Variants in ETS1 observed in about 807,000 individuals in gnomAD.
The protein encoded by ETS1 is ETS proto-oncogene 1, transcription factor, also known as protein C-ets-1.
ETS1 carries 15 observed loss-of-function variants against 58.6 expected under a neutral mutation model. That is an observed-to-expected ratio of 0.26 (90% CI 0.17 to 0.39). ETS1 has a LOEUF of 0.39. Ranked by LOEUF, ETS1 falls within the 10% of genes least tolerant of loss-of-function variation. The pLI, the probability that ETS1 is intolerant of heterozygous loss-of-function variation, is 1.00. For missense variants in ETS1, 417 were observed against 610.5 expected (o/e 0.68, Z 3.34); for synonymous variants, 214 against 218.2 (o/e 0.98, Z 0.17).
rs563178704 is a variant in ETS1, at chr11:128,564,198, C to T, written c.70-7763G>A. ...CAAACAGAACCACTCCCCAGCTCTC[C>T]GGAGTTTGCTGATCAAGCCTGAGGG... On this transcript the variant is annotated intron_variant, in intron 2 of 9. Transcript: ENST00000392668. Among the ~76,000 whole-genome samples the T allele has an allele frequency of 8.5e-5, 13 of 152,260 alleles. No individual in the cohort carries two copies. In the South Asian group the frequency reaches 2.1e-3, roughly 24 times the overall value.
intron 3 of ETS1, among the ~76,000 whole-genome samples, chr11:128,520,594 T>G (rs1429439084): frequency 6.6e-6 from 1 of 152,196 alleles, no homozygotes; most frequent in Non-Finnish European, 1.5e-5. Context: ...TAGGCCTAAG[T>G]GCCTTAAATG....
intron 3 of ETS1, among the ~76,000 whole-genome samples, chr11:128,495,216 C>T (rs1862907622): frequency 6.6e-6 from 1 of 152,082 alleles, no homozygotes; most frequent in Admixed American, 6.5e-5. Context: ...AGAAGCCAGT[C>T]TTCTAACTCT....
chr11:128,474,185 C>A (rs1862260005), intron 8 of ETS1, among the ~76,000 whole-genome samples: 1 of 152,178 alleles, frequency 6.6e-6, no homozygotes, highest in Admixed American at 6.5e-5. Context: ...AATCCAGGCA[C>A]CCTCAAGACC....
At chr11:128,543,214 T>C (rs1367278961) in intron 3 of ETS1, among the ~76,000 whole-genome samples, 1 of 151,578 alleles carries the variant, frequency 6.6e-6, no homozygotes, top group Non-Finnish European at 1.5e-5. Context: ...AAAAAAATTA[T>C]TTAAAGAGGT....
rs1277975914 is a variant in ETS1 at position 128,513,781 on chromosome 11, G to A, written c.215-23205C>T. 2.6e-5 allele frequency among the ~76,000 whole-genome samples: 4 copies of A among 152,330 alleles called. No homozygotes were observed. In the East Asian group the frequency reaches 5.8e-4, roughly 22 times the overall value. On this transcript the variant is annotated intron_variant, in intron 3 of 9. Coordinates refer to ENST00000392668, the MANE Select transcript of ETS1 (RefSeq NM_001143820.2). ...TCAAAATCAGACTTGGGCAGGGGCA[G>A]TGGCTCATGCCCGTAATCCCAACAT...
chr11:128,473,929 G>A (rs1862254166), intron 8 of ETS1, among the ~76,000 whole-genome samples: 1 of 152,232 alleles, frequency 6.6e-6, no homozygotes, highest in Non-Finnish European at 1.5e-5. Context: ...TGGTGTGGAT[G>A]TCTCAGCAGC....
chr11:128,530,607 C>A (rs1429991315), intron 3 of ETS1, among the ~76,000 whole-genome samples: 1 of 152,020 alleles, frequency 6.6e-6, no homozygotes, highest in Non-Finnish European at 1.5e-5. Context: ...TGAAAGACTT[C>A]ATCACAAAAA....
chr11:128,507,551 G>A (rs1436225618), intron 3 of ETS1, among the ~76,000 whole-genome samples: 2 of 152,200 alleles, frequency 1.3e-5, no homozygotes, highest in Non-Finnish European at 2.9e-5. Flanking sequence ...CTAGGTGCCA[G>A]ATTCTGGCTA....
intron 1 of ETS1, among the ~76,000 whole-genome samples, chr11:128,584,682 G>A (rs1230819019): frequency 1.3e-5 from 2 of 152,076 alleles, no homozygotes; most frequent in African/African-American, 4.8e-5. Context: ...GTACAGCAGG[G>A]ATAAAGGAGA....
chr11:128,548,110 G>GAGAA (rs1864159758), intron 3 of ETS1, among the ~76,000 whole-genome samples: 2 of 122,994 alleles, frequency 1.6e-5, no homozygotes, highest in Non-Finnish European at 3.8e-5. Context: ...GGAAAGGAAA[G>GAGAA]GGAAGGAAAG....
At chr11:128,491,702 C>T (rs1862805369) in intron 3 of ETS1, among the ~76,000 whole-genome samples, 1 of 152,152 alleles carries the variant, frequency 6.6e-6, no homozygotes, top group Admixed American at 6.5e-5. Context: ...TTGCATCAGT[C>T]CTGGTGAGAG....
chr11:128,463,658 AC>A lies in ETS1; in HGVS notation c.1124-32del. The A allele has an allele frequency of 8.1e-7, 1 of 1,229,536 alleles. No homozygotes were observed. Among genetic ancestry groups the A allele is most frequent in the Non-Finnish European group, 1.2e-6 (1 of 829,572 alleles). 76.2% of individuals were successfully genotyped at this position (1,229,536 alleles called of 1,614,324 possible). ...AACACAAGCCATTGTGAATCATTAC[AC>A]CAGATATTCAGCACTCTACGCAGCT... On this transcript the variant is annotated intron_variant, in intron 8 of 9. Transcript: ENST00000392668. The surrounding 1 kb of genome is among the most constrained non-coding windows in gnomAD (Gnocchi z 4.1).
At chr11:128,499,064 C>A (rs1171026413) in intron 3 of ETS1, among the ~76,000 whole-genome samples, 1 of 152,218 alleles carries the variant, frequency 6.6e-6, no homozygotes, top group Non-Finnish European at 1.5e-5. Context: ...GTTCTTCCCA[C>A]ATCTTACACT....
chr11:128,544,209 T>A (rs1315849099), intron 3 of ETS1, among the ~76,000 whole-genome samples: 3 of 151,656 alleles, frequency 2.0e-5, no homozygotes, highest in Non-Finnish European at 4.4e-5. Flanking sequence ...ACTTTATAAT[T>A]TAAATTATAT....
At chr11:128,585,983 C>CT (rs1346490397) in intron 1 of ETS1, among the ~76,000 whole-genome samples, 3 of 152,196 alleles carry the variant, frequency 2.0e-5, no homozygotes, top group Non-Finnish European at 4.4e-5. Flanking sequence ...GGATCCCACC[C>CT]CTCTACCAGC....
chr11:128,469,010 T>C (rs1326951543), intron 8 of ETS1, among the ~76,000 whole-genome samples: 1 of 152,128 alleles, frequency 6.6e-6, no homozygotes. Flanking sequence ...GAAACAAACC[T>C]CCTCTGAAGA....
chr11:128,556,054 T>G (rs1864307233), intron 3 of ETS1, among the ~76,000 whole-genome samples: 1 of 152,232 alleles, frequency 6.6e-6, no homozygotes, highest in Admixed American at 6.5e-5. Context: ...CAAAACTATT[T>G]GCAAGGTGAA....
chr11:128,531,523 A>C lies in ETS1; in HGVS notation c.214+24768T>G, dbSNP rs117148299. ...TGTCCTATCTTCATGTGCGCTGTTA[A>C]AATCATGACATAGTGACAAAGATAA... On this transcript the variant is annotated intron_variant, in intron 3 of 9. Coordinates refer to ENST00000392668, the MANE Select transcript of ETS1 (RefSeq NM_001143820.2). 9.1e-3 allele frequency among the ~76,000 whole-genome samples: 1,388 copies of C among 152,348 alleles called. 7 individuals carry two copies. The highest frequency in any genetic ancestry group is 0.015 in the Non-Finnish European group (1,012 of 68,032).
intron 8 of ETS1, among the ~76,000 whole-genome samples, chr11:128,469,903 A>G (rs1259307077): frequency 6.6e-6 from 1 of 152,210 alleles, no homozygotes; most frequent in Admixed American, 6.5e-5. Flanking sequence ...TAACTGGCCA[A>G]TACGGCCGTG....
Sources: allele counts gnomAD v4.1 joint callset (sites outside exome capture counted in the v4.1 genomes callset), GRCh38; gene constraint gnomAD v4.1.1; non-coding constraint Gnocchi (gnomAD v3.1); transcripts MANE v1.5; gene names NCBI Gene and HGNC (gene_info 2026-07-23, HGNC 2026-07-21).